ZFAND3: variants seen among roughly 807,000 people sequenced by gnomAD.
ZFAND3 encodes the protein zinc finger AN1-type containing 3.
In ZFAND3, 10 loss-of-function variants were observed where a neutral mutation model predicts 29.6. The observed-to-expected ratio is 0.34, with a 90% CI of 0.21 to 0.57. The LOEUF (loss-of-function observed/expected upper bound fraction) is 0.57. Ranked by LOEUF, ZFAND3 falls within the 20% of genes least tolerant of loss-of-function variation. The pLI, the probability that ZFAND3 is intolerant of heterozygous loss-of-function variation, is 0.86. For synonymous variants in ZFAND3, 128 were observed against 112.6 expected (o/e 1.14, Z -0.87); for missense variants, 230 against 304.5 (o/e 0.76, Z 1.82).
intron 2 of ZFAND3, among the ~76,000 whole-genome samples, chr6:38,044,610 A>G (rs2127457449): frequency 6.6e-6 from 1 of 152,346 alleles, no homozygotes; most frequent in Non-Finnish European, 1.5e-5. Flanking sequence ...AATGGAATCT[A>G]ACTATCGAAT....
At chr6:38,078,907 A>G (rs540118454) in intron 3 of ZFAND3, among the ~76,000 whole-genome samples, 1 of 152,338 alleles carries the variant, frequency 6.6e-6, no homozygotes, top group Admixed American at 6.5e-5. Context: ...CCGGCATTAG[A>G]AAGTCCAGAG....
At chr6:37,832,799 C>T (rs541927290) in intron 1 of ZFAND3, 1 of 152,294 alleles carries the variant, frequency 6.6e-6, no homozygotes, top group South Asian at 2.1e-4. Flanking sequence ...GCCTGAGCCT[C>T]TGAAGTAGCT....
intron 2 of ZFAND3, among the ~76,000 whole-genome samples, chr6:37,950,438 C>T (rs1386420583): frequency 4.0e-5 from 6 of 151,196 alleles, no homozygotes; most frequent in Non-Finnish European, 7.4e-5. Flanking sequence ...AGTGCAGCAG[C>T]GCAAACTTGG....
chr6:37,934,838 CAAAAAAAAAAAAA>C (rs61670894), intron 2 of ZFAND3, among the ~76,000 whole-genome samples: 4 of 70,606 alleles, frequency 5.7e-5, no homozygotes, highest in Admixed American at 2.0e-4. Context: ...GACTCTGTCT[CAAAAAAAAAAAAA>C]AAAAAAAAAA....
chr6:38,072,090 T>C (rs1298434789), intron 3 of ZFAND3, among the ~76,000 whole-genome samples: 1 of 152,130 alleles, frequency 6.6e-6, no homozygotes, highest in Non-Finnish European at 1.5e-5. Context: ...TTTGTGGTGG[T>C]AACAATTCAT....
At chr6:38,121,997 C>T (rs985517850) in intron 5 of ZFAND3, among the ~76,000 whole-genome samples, 1 of 152,178 alleles carries the variant, frequency 6.6e-6, no homozygotes, top group Non-Finnish European at 1.5e-5. Flanking sequence ...CTAACTCTAG[C>T]ACTCCCTCAG....
intron 4 of ZFAND3, among the ~76,000 whole-genome samples, chr6:38,096,869 A>G (rs898592300): frequency 4.6e-5 from 7 of 152,110 alleles, no homozygotes; most frequent in African/African-American, 1.7e-4. Flanking sequence ...TATGTATATA[A>G]TAATTCCATG....
At chr6:38,144,184 A>ATAATAT (rs66561715) in intron 5 of ZFAND3, among the ~76,000 whole-genome samples, 7 of 42,550 alleles carry the variant, frequency 1.6e-4, no homozygotes, top group Non-Finnish European at 2.5e-4. Flanking sequence ...ATATATATAT[A>ATAATAT]ATATATATAT....
intron 4 of ZFAND3, among the ~76,000 whole-genome samples, chr6:38,104,347 C>G (rs1765166917): frequency 6.6e-6 from 1 of 152,074 alleles, no homozygotes; most frequent in Non-Finnish European, 1.5e-5. Flanking sequence ...GCCTGTGAGA[C>G]CCATATAAAG....
In ZFAND3 at chr6:37,819,821, C is replaced by G; in HGVS notation, c.-125C>G. On this transcript the variant is annotated 5_prime_UTR_variant, in exon 1 of 6. Coordinates refer to ENST00000287218, the MANE Select transcript of ZFAND3 (RefSeq NM_021943.3). ...CCCCGGACTCGCGCCCGCCCGCGCG[C>G]CCGCTCCTTCCCCCTCCCCCCGCCC... The G allele has an allele frequency of 1.6e-6, 1 of 607,432 alleles. No homozygotes were observed. The highest frequency in any genetic ancestry group is 2.2e-6 in the Non-Finnish European group (1 of 463,410). 37.6% of individuals were successfully genotyped at this position (607,432 alleles called of 1,614,324 possible). A position where few individuals can be genotyped will look rare whatever the true frequency, so the allele number is the denominator to read the frequency against.
At chr6:38,092,697 G>T (rs1352504448) in intron 4 of ZFAND3, among the ~76,000 whole-genome samples, 2 of 152,142 alleles carry the variant, frequency 1.3e-5, no homozygotes, top group African/African-American at 4.8e-5. Context: ...CTAGTACTTG[G>T]AAAAACTGAG....
In ZFAND3 at chr6:38,047,973, GT is replaced by G. The variant is rs58542714; in HGVS notation, c.113-13606del. ...AGACCTAGGTTTTTGGGTTTTTTTTGTTTTTTTTTTTTTTACTTTTTGTGTG... is the reference window on the plus strand; with the variant it reads ...AGACCTAGGTTTTTGGGTTTTTTTTGTTTTTTTTTTTTTACTTTTTGTGTG... On this transcript the variant is annotated intron_variant, in intron 2 of 5. Transcript: ENST00000287218. Among the ~76,000 whole-genome samples the G allele has an allele frequency of 1.1e-3, 158 of 137,554 alleles. 1 individual carries two copies. The highest frequency in any genetic ancestry group is 3.6e-3 in the Middle Eastern group (1 of 274). 90.2% of individuals were successfully genotyped at this position (137,554 alleles called of 152,430 possible).
At chr6:37,846,078 A>G (rs1025029727) in intron 1 of ZFAND3, among the ~76,000 whole-genome samples, 3 of 152,158 alleles carry the variant, frequency 2.0e-5, no homozygotes, top group Non-Finnish European at 2.9e-5. Flanking sequence ...TCCTGATCCC[A>G]TAGGACACTC....
At chr6:38,070,413 T>TG (rs1554171591) in intron 3 of ZFAND3, among the ~76,000 whole-genome samples, 2 of 108,996 alleles carry the variant, frequency 1.8e-5, no homozygotes, top group African/African-American at 6.3e-5. Context: ...AAACTTAGTC[T>TG]AAAAAAAAAA....
chr6:38,035,684 G>A (rs1763643786), intron 2 of ZFAND3, among the ~76,000 whole-genome samples: 1 of 152,088 alleles, frequency 6.6e-6, no homozygotes, highest in Non-Finnish European at 1.5e-5. Flanking sequence ...GCAGTATTGA[G>A]TCATTCAAGA....
chr6:37,935,811 A>G (rs1046647213), intron 2 of ZFAND3, among the ~76,000 whole-genome samples: 1 of 152,194 alleles, frequency 6.6e-6, no homozygotes, highest in East Asian at 1.9e-4. Context: ...GCAAGAGGTT[A>G]ATAGTTGATT....
intron 4 of ZFAND3, among the ~76,000 whole-genome samples, chr6:38,103,318 G>A (rs909944213): frequency 2.0e-5 from 3 of 149,552 alleles, no homozygotes; most frequent in African/African-American, 7.4e-5. Flanking sequence ...AACCGTATAT[G>A]AAAATAAATC....
chr6:38,151,058 C>G (rs1196458317), intron 5 of ZFAND3, among the ~76,000 whole-genome samples: 2 of 152,334 alleles, frequency 1.3e-5, no homozygotes, highest in Middle Eastern at 3.4e-3. Flanking sequence ...AGGCGGCCAG[C>G]AGACTCTGGG....
chr6:38,061,218 T>A lies in ZFAND3; in HGVS notation c.113-375T>A, dbSNP rs61172238. On this transcript the variant is annotated intron_variant, in intron 2 of 5. Coordinates refer to ENST00000287218, the MANE Select transcript of ZFAND3 (RefSeq NM_021943.3). The stretch of plus-strand genomic sequence containing the variant: ...ATCTTATTATGTGTTTTCTGTTTAC[T>A]CTGCTGTTTTCTCTGCTGCCTTTTT... 0.017 allele frequency among the ~76,000 whole-genome samples: 2,588 copies of A among 152,324 alleles called. 252 individuals carry two copies. The East Asian group carries it at 0.28, about 16-fold the overall frequency.
Sources: gnomAD v4.1 joint callset for allele counts (sites outside exome capture counted in the v4.1 genomes callset) on GRCh38, gnomAD v4.1.1 for gene constraint, MANE v1.5 for transcripts, NCBI Gene and HGNC (gene_info 2026-07-23, HGNC 2026-07-21) for gene names.